GNG12: variants seen among roughly 807,000 people sequenced by gnomAD.
GNG12 encodes guanine nucleotide-binding protein G(I)/G(S)/G(O) subunit gamma-12.
For synonymous variants in GNG12, 28 were observed against 29.7 expected, an observed-to-expected ratio of 0.94 and a Z score of 0.19; for missense variants, 69 against 83.8, an observed-to-expected ratio of 0.82 and a Z score of 0.69.
intron 2 of GNG12, among the ~76,000 whole-genome samples, chr1:67,745,080 A>G (rs779867427): frequency 1.3e-5 from 2 of 152,214 alleles, no homozygotes; most frequent in Non-Finnish European, 2.9e-5. Flanking sequence ...TAGTATTTGT[A>G]AAGTGTTTAG....
At chr1:67,788,735 T>C (rs72924710) in intron 1 of GNG12, among the ~76,000 whole-genome samples, 3,521 of 152,330 alleles carry the variant, frequency 0.023, 144 homozygotes, top group African/African-American at 0.08. Context: ...CTTTGTTAAC[T>C]AGGAATTCTA....
rs1405509575 is a variant in GNG12, at chr1:67,702,961, A to G, written c.*2490T>C. On this transcript the variant is annotated 3_prime_UTR_variant, in exon 4 of 4. Coordinates refer to ENST00000370982, the MANE Select transcript of GNG12 (RefSeq NM_018841.6). ...GGGTATTTGTCTATCATTAACATAA[A>G]CCAACTGTTGCAGACAGTTAAACTG... 1 of 152,228 alleles carries G rather than the reference A, an allele frequency of 6.6e-6. No individual in the cohort carries two copies. The highest frequency in any genetic ancestry group is 2.4e-5 in the African/African-American group (1 of 41,456). The allele number at this position is 152,228 out of a possible 1,614,324, so 9.4% of individuals were successfully genotyped here.
intron 1 of GNG12, among the ~76,000 whole-genome samples, chr1:67,802,277 G>T (rs1264637679): frequency 6.6e-6 from 1 of 152,176 alleles, no homozygotes; most frequent in Non-Finnish European, 1.5e-5. Flanking sequence ...GATCAATATT[G>T]TTTGCAGGAC....
chr1:67,773,467 A>G (rs1440599859), intron 2 of GNG12, among the ~76,000 whole-genome samples: 1 of 152,190 alleles, frequency 6.6e-6, no homozygotes, highest in African/African-American at 2.4e-5. Flanking sequence ...ATGGTGGCCT[A>G]GTTTATAGTT....
chr1:67,725,925 C>T (rs560117704), intron 2 of GNG12, among the ~76,000 whole-genome samples: 1 of 152,240 alleles, frequency 6.6e-6, no homozygotes, highest in South Asian at 2.1e-4. Flanking sequence ...CATGACGGAG[C>T]ATCACTTACA....
At chr1:67,769,493 TG>T (rs1198052753) in intron 2 of GNG12, among the ~76,000 whole-genome samples, 4 of 152,180 alleles carry the variant, frequency 2.6e-5, no homozygotes. Context: ...AAACTCTGCA[TG>T]GAGCCCTGAT....
intron 2 of GNG12, among the ~76,000 whole-genome samples, chr1:67,765,939 T>C (rs1646634526): frequency 6.6e-6 from 1 of 152,166 alleles, no homozygotes. Flanking sequence ...TAACTAGACG[T>C]AGTGGTGAAA....
At chr1:67,805,629 TGAAAA>T (rs1171085439) in intron 1 of GNG12, among the ~76,000 whole-genome samples, 1 of 151,352 alleles carries the variant, frequency 6.6e-6, no homozygotes, top group Non-Finnish European at 1.5e-5. Flanking sequence ...AGAAAAAACA[TGAAAA>T]GAAGCAAAAC....
intron 1 of GNG12, among the ~76,000 whole-genome samples, chr1:67,808,264 AT>A (rs1019776779): frequency 2.6e-5 from 4 of 151,866 alleles, no homozygotes; most frequent in Non-Finnish European, 4.4e-5. Context: ...TCTATTCATG[AT>A]TTTTTTTTAA....
Position 67,702,488 on chromosome 1 carries a change from G to C in GNG12, c.*2963C>G, listed in dbSNP as rs1646221750. 1 of 151,992 alleles carries C rather than the reference G, an allele frequency of 6.6e-6. No individual in the cohort carries two copies. The highest frequency in any genetic ancestry group is 1.5e-5 in the Non-Finnish European group (1 of 67,996). 9.4% of individuals were successfully genotyped at this position (151,992 alleles called of 1,614,324 possible). On this transcript the variant is annotated 3_prime_UTR_variant, in exon 4 of 4. Coordinates refer to ENST00000370982, the MANE Select transcript of GNG12 (RefSeq NM_018841.6). ...TTTTTTCCTGATAGTTTAAAGATTA[G>C]TAAAGTACAAAAACAGTCTAAATAG...
intron 1 of GNG12, among the ~76,000 whole-genome samples, chr1:67,789,382 A>G (rs1646788116): frequency 6.6e-6 from 1 of 152,220 alleles, no homozygotes; most frequent in Non-Finnish European, 1.5e-5. Flanking sequence ...ATCTAATTGT[A>G]TTTGAATGGA....
At chr1:67,783,455 A>G (rs1344049779) in intron 1 of GNG12, among the ~76,000 whole-genome samples, 1 of 152,190 alleles carries the variant, frequency 6.6e-6, no homozygotes, top group Non-Finnish European at 1.5e-5. Context: ...TGAGATCTTC[A>G]TATTTTATAC....
At chr1:67,824,202 G>A (rs1646998808) in intron 1 of GNG12, among the ~76,000 whole-genome samples, 2 of 152,112 alleles carry the variant, frequency 1.3e-5, no homozygotes, top group Non-Finnish European at 2.9e-5. Flanking sequence ...TGATTTTTGT[G>A]AATTTGCTAT....
chr1:67,755,943 A>G (rs1368846374), intron 2 of GNG12, among the ~76,000 whole-genome samples: 1 of 152,096 alleles, frequency 6.6e-6, no homozygotes, highest in Non-Finnish European at 1.5e-5. Flanking sequence ...AAATAGAACA[A>G]GCAGAACTAG....
intron 2 of GNG12, among the ~76,000 whole-genome samples, chr1:67,751,129 C>A (rs1040654123): frequency 1.3e-5 from 2 of 151,814 alleles, no homozygotes; most frequent in African/African-American, 4.8e-5. Context: ...ACCCACCCAC[C>A]CACGCATCCA....
chr1:67,788,217 G>A (rs755725041), intron 1 of GNG12, among the ~76,000 whole-genome samples: 9 of 152,186 alleles, frequency 5.9e-5, no homozygotes, highest in African/African-American at 1.2e-4. Flanking sequence ...GTGTGCTAAC[G>A]TCAAATAATT....
intron 1 of GNG12, among the ~76,000 whole-genome samples, chr1:67,819,107 G>A (rs576256866): frequency 2.0e-5 from 3 of 152,256 alleles, no homozygotes; most frequent in African/African-American, 4.8e-5. Flanking sequence ...CCAGGTGAGA[G>A]GCATGGGGGT....
At chr1:67,760,492 G>A (rs559546538) in intron 2 of GNG12, among the ~76,000 whole-genome samples, 3 of 152,166 alleles carry the variant, frequency 2.0e-5, no homozygotes, top group Admixed American at 6.5e-5. Flanking sequence ...GCTGATGGAC[G>A]GGTGATGTGT....
chr1:67,824,699 T>C (rs74081839), intron 1 of GNG12, among the ~76,000 whole-genome samples: 1,641 of 152,210 alleles, frequency 0.011, 35 homozygotes, highest in African/African-American at 0.037. Context: ...CAGGACAAGA[T>C]TGGCATGGAA....
Sources: gnomAD v4.1 joint callset for allele counts (sites outside exome capture counted in the v4.1 genomes callset) on GRCh38, gnomAD v4.1.1 for gene constraint, MANE v1.5 for transcripts, NCBI Gene and HGNC (gene_info 2026-07-23, HGNC 2026-07-21) for gene names.